GPHN: variants seen among roughly 807,000 people sequenced by gnomAD.
GPHN encodes the protein gephyrin.
Under a neutral mutation model 95.5 loss-of-function variants are expected in GPHN, and 17 were observed. The ratio of observed to expected loss-of-function variants is 0.18; its 90% CI spans 0.12 to 0.27. The LOEUF is 0.27. Among genes scored for constraint, GPHN ranks in the 10% least tolerant of loss-of-function variants. GPHN has a pLI of 1.00. For missense variants in GPHN, 660 were observed against 978.1 expected (o/e 0.67, Z 4.34); for synonymous variants, 320 against 322.5 (o/e 0.99, Z 0.08).
At chr14:66,937,793 T>TA (rs1226479149) in intron 8 of GPHN, among the ~76,000 whole-genome samples, 3 of 152,228 alleles carry the variant, frequency 2.0e-5, no homozygotes, top group African/African-American at 4.8e-5. Context: ...ATTAGGTTGT[T>TA]AAAAAAGTAA....
the GPHN span, among the ~76,000 whole-genome samples, chr14:67,366,537 C>T: frequency 1.3e-5 from 2 of 152,058 alleles, no homozygotes; most frequent in Non-Finnish European, 2.9e-5. Context: ...CAGGAAATGA[C>T]CAAAATGGGG....
chr14:67,089,727 A>G (rs908451768), intron 12 of GPHN, among the ~76,000 whole-genome samples: 1 of 152,192 alleles, frequency 6.6e-6, no homozygotes, highest in African/African-American at 2.4e-5. Flanking sequence ...AAAAGCGGAC[A>G]TGAGGGAAAC....
intron 3 of GPHN, among the ~76,000 whole-genome samples, chr14:66,778,411 T>C (rs1009594387): frequency 1.3e-5 from 2 of 152,206 alleles, no homozygotes; most frequent in East Asian, 3.8e-4. Flanking sequence ...TAATGAAAAA[T>C]TGACTTACTC....
the GPHN span, among the ~76,000 whole-genome samples, chr14:67,627,621 C>T: frequency 2.0e-5 from 3 of 152,132 alleles, no homozygotes; most frequent in African/African-American, 7.2e-5. Flanking sequence ...AACCTTCTGC[C>T]TCTGCCATTC....
the GPHN span, among the ~76,000 whole-genome samples, chr14:67,652,938 C>T: frequency 0.028 from 4,267 of 152,100 alleles, 215 homozygotes; most frequent in African/African-American, 0.098. Flanking sequence ...TTACAGTGCC[C>T]GCCACTACGC....
intron 8 of GPHN, among the ~76,000 whole-genome samples, chr14:66,952,856 G>T (rs1439318771): frequency 6.6e-6 from 1 of 151,912 alleles, no homozygotes; most frequent in Non-Finnish European, 1.5e-5. Context: ...CACCACGCCT[G>T]ACTAATTTTT....
At chr14:66,709,576 G>C (rs2069418628) in intron 2 of GPHN, 2 of 330,500 alleles carry the variant, frequency 6.1e-6, no homozygotes, top group Non-Finnish European at 1.2e-5. Flanking sequence ...CCTCAGACTG[G>C]CACATAATTT....
the GPHN span, among the ~76,000 whole-genome samples, chr14:67,667,323 C>G: frequency 6.6e-6 from 1 of 152,124 alleles, no homozygotes; most frequent in African/African-American, 2.4e-5. Flanking sequence ...TATGTGGTTA[C>G]TTTGCTTTTG....
At chr14:67,350,227 T>A in the GPHN span, among the ~76,000 whole-genome samples, 17 of 151,572 alleles carry the variant, frequency 1.1e-4, no homozygotes, top group Non-Finnish European at 4.4e-5. Flanking sequence ...CAAAAATACA[T>A]ATGTGTAAAA....
intron 5 of GPHN, among the ~76,000 whole-genome samples, chr14:66,897,118 C>G (rs2064893975): frequency 6.6e-6 from 1 of 152,014 alleles, no homozygotes; most frequent in Non-Finnish European, 1.5e-5. Context: ...CAGAGAAGTC[C>G]TGTGTACCCT....
At chr14:67,078,626 C>T (rs1267918907) in intron 11 of GPHN, among the ~76,000 whole-genome samples, 1 of 152,110 alleles carries the variant, frequency 6.6e-6, no homozygotes, top group Non-Finnish European at 1.5e-5. Flanking sequence ...ATTTGCAGTA[C>T]TATTATATTC....
At chr14:66,882,569 C>CT (rs1389588357) in intron 5 of GPHN, among the ~76,000 whole-genome samples, 1 of 151,608 alleles carries the variant, frequency 6.6e-6, no homozygotes, top group Non-Finnish European at 1.5e-5. Flanking sequence ...ATGTTAATGT[C>CT]TTTTTTGTTT....
intron 1 of GPHN, among the ~76,000 whole-genome samples, chr14:66,636,477 C>T (rs2064104460): frequency 6.6e-6 from 1 of 151,808 alleles, no homozygotes; most frequent in South Asian, 2.1e-4. Flanking sequence ...TTGGCTGTGT[C>T]TCCAAGATAA....
rs528658622 is a variant in GPHN, at chr14:66,807,003, C to A, written c.202-17471C>A. On this transcript the variant is annotated intron_variant, in intron 3 of 22. Transcript: ENST00000478722. ...TTCACACTATTGATAAAGACATACC[C>A]GAGACTCGGCAATTTACAAAAACAT... Among the ~76,000 whole-genome samples, 114 of 152,008 alleles carry A rather than the reference C, an allele frequency of 7.5e-4. 2 individuals carry two copies. The highest frequency in any genetic ancestry group is 4.9e-3 in the Admixed American group (74 of 15,250).
the GPHN span, among the ~76,000 whole-genome samples, chr14:67,451,630 A>AT: frequency 0.014 from 2,105 of 152,234 alleles, 52 homozygotes; most frequent in African/African-American, 0.048. Flanking sequence ...AATTTCTCCC[A>AT]TTTGGAATGG....
intron 15 of GPHN, among the ~76,000 whole-genome samples, 184 bp downstream of exon 15, chr14:67,112,103 T>G (rs899030535): frequency 2.6e-5 from 4 of 152,172 alleles, no homozygotes; most frequent in Non-Finnish European, 5.9e-5. Context: ...TACTTTTTAA[T>G]GAAGATGGTA....
intron 11 of GPHN, among the ~76,000 whole-genome samples, chr14:67,087,163 G>A (rs72715353): frequency 0.067 from 10,110 of 151,860 alleles, 354 homozygotes; most frequent in Middle Eastern, 0.085. Flanking sequence ...AACATTTACT[G>A]TATCATTGGG....
intron 1 of GPHN, among the ~76,000 whole-genome samples, chr14:66,612,915 G>T (rs79363376): frequency 6.6e-6 from 1 of 151,922 alleles, no homozygotes; most frequent in Admixed American, 6.6e-5. Context: ...ATTCCATTCT[G>T]TGACTGTTTT....
At chr14:66,662,276 C>A (rs1027272621) in intron 1 of GPHN, among the ~76,000 whole-genome samples, 2 of 152,046 alleles carry the variant, frequency 1.3e-5, no homozygotes, top group Non-Finnish European at 2.9e-5. Context: ...GGGCCAGCAA[C>A]CAGGTCTGTA....
Sources: allele counts gnomAD v4.1 joint callset (sites outside exome capture counted in the v4.1 genomes callset), GRCh38; gene constraint gnomAD v4.1.1; transcripts MANE v1.5; gene names NCBI Gene and HGNC (gene_info 2026-07-23, HGNC 2026-07-21).